Variants in MYO9A observed in about 807,000 individuals in gnomAD.
MYO9A encodes myosin IXA.
Under a neutral mutation model 293.3 loss-of-function variants are expected in MYO9A, and 103 were observed. The ratio of observed to expected loss-of-function variants is 0.35; its 90% CI spans 0.30 to 0.41. The LOEUF (loss-of-function observed/expected upper bound fraction) is 0.41. Ranked by LOEUF, MYO9A falls within the 10% of genes least tolerant of loss-of-function variation. MYO9A has a pLI of 1.00. For synonymous variants in MYO9A, 1,001 were observed against 1,035.7 expected (o/e 0.97, Z 0.64); for missense variants, 2,685 against 3,033.0 (o/e 0.89, Z 2.69).
At chr15:71,895,736 T>C (rs1229908657) in intron 25 of MYO9A, among the ~76,000 whole-genome samples, 1 of 152,028 alleles carries the variant, frequency 6.6e-6, no homozygotes, top group East Asian at 1.9e-4. Context: ...AGTAGATCAT[T>C]AATAAAGCAA....
At chr15:71,893,030 C>T in intron 26 of MYO9A, 1 of 1,289,824 alleles carries the variant, frequency 7.8e-7, no homozygotes, top group Non-Finnish European at 1.0e-6. Flanking sequence ...CAGTGAGAAG[C>T]TTGGTCAAGG....
At chr15:71,867,534 T>C (rs913218311) in intron 32 of MYO9A, among the ~76,000 whole-genome samples, 2 of 148,534 alleles carry the variant, frequency 1.3e-5, no homozygotes, top group African/African-American at 5.0e-5. Flanking sequence ...TTGCTACAAA[T>C]TGAGAAGGAA....
intron 1 of MYO9A, among the ~76,000 whole-genome samples, chr15:72,050,147 GT>G (rs1270497948): frequency 6.6e-6 from 1 of 150,646 alleles, no homozygotes; most frequent in East Asian, 2.0e-4. Context: ...TGCTTTGTGG[GT>G]TTTTTTGTTT....
chr15:71,897,957 T>A lies in MYO9A; in HGVS notation c.4546A>T (p.Ile1516Phe). The change falls in exon 25 of 42, where the codon ATT becomes TTT. Residue 1516 changes from isoleucine (I) to phenylalanine (F), a missense_variant. Transcript: ENST00000356056. ...QQNEKEMMEQ[I>F]RQQTDILEKE... Reference sequence around the variant, plus strand: ...TCTAAAATATCTGTTTGCTGGCGAATCTGTTCCATCATCTCTTTTTCATTC... The same window carrying A: ...TCTAAAATATCTGTTTGCTGGCGAAACTGTTCCATCATCTCTTTTTCATTC... The A allele has an allele frequency of 6.2e-7, 1 of 1,614,212 alleles. No homozygotes were observed. Among genetic ancestry groups the A allele is most frequent in the South Asian group, 1.1e-5 (1 of 91,084 alleles).
rs188400455 is a variant in MYO9A at position 71,945,001 on chromosome 15, C to G, written c.2303-6074G>C. Among the ~76,000 whole-genome samples the G allele has an allele frequency of 1.7e-4, 26 of 152,146 alleles. No homozygotes were observed. The East Asian group carries it at 4.1e-3, about 24-fold the overall frequency. ...TTCAGTTTCTCCTAGTAGTGCACAA[C>G]TCTTAAACATATTTGTTAAATTTAT... On this transcript the variant is annotated intron_variant, in intron 15 of 41. Transcript: ENST00000356056.
At chr15:72,017,437 T>C (rs1431521796) in intron 6 of MYO9A, among the ~76,000 whole-genome samples, 2 of 152,172 alleles carry the variant, frequency 1.3e-5, no homozygotes, top group African/African-American at 4.8e-5. Context: ...GTCCCCTACC[T>C]GCTTTCCAAG....
intron 1 of MYO9A, among the ~76,000 whole-genome samples, chr15:72,066,569 A>G (rs757025833): frequency 1.1e-4 from 16 of 152,188 alleles, no homozygotes; most frequent in Non-Finnish European, 2.2e-4. Flanking sequence ...GAAGTTCACA[A>G]ACAGACAACA....
Position 71,850,108 on chromosome 15 carries a change from G to A in MYO9A, c.6641C>T (p.Ala2214Val). The A allele has an allele frequency of 3.7e-6, 6 of 1,613,988 alleles. No individual in the cohort carries two copies. The highest frequency in any genetic ancestry group is 4.2e-6 in the Non-Finnish European group (5 of 1,179,896). Residue 2214 changes from alanine to valine, a missense_variant, in exon 38 of 42, where the codon GCG (alanine) becomes GTG (valine). Coordinates refer to ENST00000356056, the MANE Select transcript of MYO9A (RefSeq NM_006901.4). ...GTCAGGGCAGCGGAGAATGCAGGGCGCAAACACAATGGCCAAAGCATTAGC... is the reference window on the plus strand; with the variant it reads ...GTCAGGGCAGCGGAGAATGCAGGGCACAAACACAATGGCCAAAGCATTAGC... ...MSANALAIVF[A>V]PCILRCPDTT...
chr15:71,906,368 T>C (rs2057641122), intron 19 of MYO9A, among the ~76,000 whole-genome samples: 2 of 152,330 alleles, frequency 1.3e-5, no homozygotes, highest in South Asian at 4.1e-4. Context: ...ATATCCTTCC[T>C]AATTGCCTAC....
At chr15:71,986,621 T>C (rs2076413343) in intron 11 of MYO9A, among the ~76,000 whole-genome samples, 1 of 152,230 alleles carries the variant, frequency 6.6e-6, no homozygotes, top group Non-Finnish European at 1.5e-5. Flanking sequence ...CATGCTAACA[T>C]GTATGTATGT....
At chr15:71,895,529 T>C (rs1304625641) in intron 25 of MYO9A, among the ~76,000 whole-genome samples, 1 of 152,182 alleles carries the variant, frequency 6.6e-6, no homozygotes, top group Non-Finnish European at 1.5e-5. Flanking sequence ...CTTGAATAAG[T>C]CATTTCACCT....
At chr15:71,991,313 ACAAAATG>A in intron 10 of MYO9A, 76 bp from the exon 11 acceptor site, 2 of 1,239,370 alleles carry the variant, frequency 1.6e-6, no homozygotes, top group South Asian at 3.1e-5. Flanking sequence ...AACATAAGTA[ACAAAATG>A]CTCAATTCCT....
rs1195316231 is a variant in MYO9A, at chr15:71,827,121, TG to T, written c.7184-79del. ...TCATCATATAATGAATAGATGCCAC[TG>T]TTCACACATGAAATTGGGTGGGATA... is the stretch of plus-strand genomic sequence containing the variant. On this transcript the variant is annotated intron_variant, in intron 41 of 41. Transcript: ENST00000356056. The T allele has an allele frequency of 2.7e-6, 3 of 1,101,764 alleles. No individual in the cohort carries two copies. The African/African-American group carries it at 4.7e-5, about 17-fold the overall frequency. 68.2% of individuals were successfully genotyped at this position (1,101,764 alleles called of 1,614,324 possible).
chr15:71,852,166 G>C lies in MYO9A; in HGVS notation c.6441C>G (p.Thr2147=). Residue 2147 remains threonine (T), a synonymous_variant, in exon 36 of 42, where the codon ACC becomes ACG. Transcript: ENST00000356056. ...WLRDLPNPLM[T]FELYEEFLRA... ...GAAGAAATTCCTCATAGAGTTCAAA[G>C]GTCATGAGAGGATTGGGCAAATCTC... 1 of 1,613,746 alleles carries C rather than the reference G, an allele frequency of 6.2e-7. No homozygotes were observed. The highest frequency in any genetic ancestry group is 8.5e-7 in the Non-Finnish European group (1 of 1,179,786).
intron 2 of MYO9A, among the ~76,000 whole-genome samples, chr15:72,032,846 GTTAT>G (rs576506684): frequency 3.3e-5 from 5 of 151,914 alleles, no homozygotes; most frequent in African/African-American, 4.8e-5. Flanking sequence ...TTTATTTTAT[GTTAT>G]TTATTTATTT....
At chr15:72,098,914 A>G (rs1177637319) in intron 1 of MYO9A, among the ~76,000 whole-genome samples, 1 of 152,146 alleles carries the variant, frequency 6.6e-6, no homozygotes, top group Non-Finnish European at 1.5e-5. Flanking sequence ...AAAACAAAAT[A>G]GTAAAGGCCA....
At chr15:71,876,663 C>A (rs1398174462) in intron 31 of MYO9A, among the ~76,000 whole-genome samples, 1 of 149,070 alleles carries the variant, frequency 6.7e-6, no homozygotes, top group Admixed American at 6.7e-5. Flanking sequence ...CTCGATCTCC[C>A]GACCTTGTGA....
chr15:71,989,162 T>A (rs1287994784), intron 11 of MYO9A, among the ~76,000 whole-genome samples: 3 of 152,088 alleles, frequency 2.0e-5, no homozygotes, highest in African/African-American at 7.2e-5. Flanking sequence ...AGTGCTGGGA[T>A]TACAGGTGTG....
At chr15:71,852,068 A>T in intron 36 of MYO9A, 64 bp downstream of exon 36, 1 of 1,497,180 alleles carries the variant, frequency 6.7e-7, no homozygotes, top group Non-Finnish European at 9.0e-7. Context: ...GATAATCTAT[A>T]CTCAAGATGG....
Sources: gnomAD v4.1 joint callset for allele counts (sites outside exome capture counted in the v4.1 genomes callset) on GRCh38, gnomAD v4.1.1 for gene constraint, MANE v1.5 for transcripts, NCBI Gene and HGNC (gene_info 2026-07-23, HGNC 2026-07-21) for gene names.